GINS2: variants seen among roughly 807,000 people sequenced by gnomAD.
GINS2 encodes the protein GINS complex subunit 2.
A neutral mutation model predicts 21.2 loss-of-function variants in GINS2; 23 were observed. The ratio of observed to expected loss-of-function variants is 1.08; its 90% CI spans 0.78 to 1.53. GINS2 has a LOEUF of 1.53. Among genes scored for constraint, GINS2 ranks in the 40% most tolerant of loss-of-function variants. The probability of loss-of-function intolerance (pLI) is 0.00; values close to 1 mark genes in which losing one functional copy is unlikely to be tolerated. For missense variants in GINS2, 323 were observed against 233.9 expected (o/e 1.38, Z -2.49); for synonymous variants, 118 against 85.6 (o/e 1.38, Z -2.09).
rs184702329 is a variant in GINS2 at position 85,678,324 on chromosome 16, G to T, written c.446C>A (p.Thr149Asn). Residue 149 changes from threonine (T) to asparagine (N), a missense_variant, in exon 5 of 5, where the codon ACC (threonine) becomes AAC (asparagine). By Grantham distance (65) the Thr-to-Asn change is moderately conservative. Transcript: ENST00000253462. ...CCCGCTGGTGTTGATCTCCATCAAG[G>T]TCAAGTTATCCAGCTAAAGCAAGAA... ...QEAHAKLDNL[T>N]LMEINTSGTF... 1.2e-5 allele frequency: 19 copies of T among 1,613,764 alleles called. No homozygotes were observed. The highest frequency in any genetic ancestry group is 1.5e-5 in the Non-Finnish European group (18 of 1,179,854).
At chr16:85,685,679 A>AAAC (rs1555579568) in intron 2 of GINS2, among the ~76,000 whole-genome samples, 1 of 144,154 alleles carries the variant, frequency 6.9e-6, no homozygotes, top group African/African-American at 2.8e-5. Context: ...TCAAAAAAAA[A>AAAC]AAAAAAAAAA....
intron 2 of GINS2, among the ~76,000 whole-genome samples, chr16:85,682,590 A>C (rs917782935): frequency 6.6e-6 from 1 of 151,204 alleles, no homozygotes; most frequent in Non-Finnish European, 1.5e-5. Flanking sequence ...AAGCCACCCC[A>C]GCCTGGGCAC....
intron 2 of GINS2, 86 bp downstream of exon 2, chr16:85,687,374 G>A (rs1175598834): frequency 1.5e-6 from 1 of 676,430 alleles, no homozygotes; most frequent in Non-Finnish European, 2.5e-6. Context: ...TCAGGAAGGA[G>A]GCCCCATGCC....
At chr16:85,686,469 A>T (rs1263397127) in intron 2 of GINS2, among the ~76,000 whole-genome samples, 1 of 152,184 alleles carries the variant, frequency 6.6e-6, no homozygotes, top group African/African-American at 2.4e-5. Context: ...GGCTATTAAA[A>T]ACAAAGTGTA....
Position 85,678,335 on chromosome 16 carries a change from C to G in GINS2, c.435G>C (p.Leu145=). 1 of 1,613,276 alleles carries G rather than the reference C, an allele frequency of 6.2e-7. No individual in the cohort carries two copies. The highest frequency in any genetic ancestry group is 1.3e-5 in the African/African-American group (1 of 74,828). The change falls in exon 5 of 5, where the codon CTG becomes CTC. Residue 145 remains leucine (L), a splice_region_variant and synonymous_variant. Transcript: ENST00000253462. ...TGATCTCCATCAAGGTCAAGTTATC[C>G]AGCTAAAGCAAGAAAACAGACCAAG... ...FVRQQEAHAK[L]DNLTLMEINT... is the part of the protein sequence containing the mutation.
At chr16:85,678,744 G>T in intron 3 of GINS2, 78 bp from the exon 4 acceptor site, 1 of 1,382,096 alleles carries the variant, frequency 7.2e-7, no homozygotes, top group Non-Finnish European at 1.0e-6. Context: ...GCTCTTTTCA[G>T]GCAAAATACC....
chr16:85,685,680 A>ACAAAAGCAAAAAAAAAAAAACAAC (rs201931587), intron 2 of GINS2, among the ~76,000 whole-genome samples: 1 of 147,140 alleles, frequency 6.8e-6, no homozygotes, highest in Non-Finnish European at 1.5e-5. Context: ...CAAAAAAAAA[A>ACAAAAGCAAAAAAAAAAAAACAAC]AAAAAAAAAA....
At position 85,684,717 on chromosome 16, in the gene GINS2, G is replaced by C. The variant is rs117233051; in HGVS notation, c.205+2743C>G. ...CAGGTAAATCTCAAAAACAGTGTTG[G>C]ATAAGAGAAATCAGAAACAAAAAAT... On this transcript the variant is annotated intron_variant, in intron 2 of 4. Coordinates refer to ENST00000253462, the MANE Select transcript of GINS2 (RefSeq NM_016095.3). 1.0e-2 allele frequency among the ~76,000 whole-genome samples: 1,507 copies of C among 151,032 alleles called. 20 individuals carry two copies. Among genetic ancestry groups the C allele is most frequent in the Non-Finnish European group, 0.017 (1,169 of 67,820 alleles).
chr16:85,685,992 C>G (rs1345870298), intron 2 of GINS2, among the ~76,000 whole-genome samples: 2 of 147,812 alleles, frequency 1.4e-5, no homozygotes, highest in East Asian at 3.9e-4. Flanking sequence ...TCCTCACCAA[C>G]ACACACAAAA....
chr16:85,678,384 G>T (rs756222457), intron 4 of GINS2, 47 bp from the exon 5 acceptor site: 1 of 1,602,226 alleles, frequency 6.2e-7, no homozygotes, highest in Non-Finnish European at 8.5e-7. Context: ...TTTTGATTTT[G>T]AGAAAAAGGT....
intron 1 of GINS2, 82 bp downstream of exon 1, chr16:85,688,727 C>T: frequency 4.1e-6 from 3 of 725,258 alleles, no homozygotes; most frequent in Non-Finnish European, 6.3e-6. Context: ...GGCGAGCCCG[C>T]GACCCCGGGG....
At position 85,678,191 on chromosome 16, in the gene GINS2, C is replaced by T; in HGVS notation, c.*21G>A. On this transcript the variant is annotated 3_prime_UTR_variant, in exon 5 of 5. Transcript: ENST00000253462. ...CTGAGCGCTCACATCCCCCAGCAAG[C>T]CGCCTGCACCAGGCCTTTCTCTAGA... The T allele has an allele frequency of 1.2e-6, 2 of 1,610,032 alleles. No individual in the cohort carries two copies. The highest frequency in any genetic ancestry group is 1.7e-6 in the Non-Finnish European group (2 of 1,178,536).
rs1255135329 is a variant in GINS2 at position 85,688,817 on chromosome 16, G to T, written c.82C>A (p.Leu28Ile). 6.5e-7 allele frequency: 1 copy of T among 1,535,190 alleles called. No homozygotes were observed. The highest frequency in any genetic ancestry group is 1.2e-5 in the South Asian group (1 of 82,766). The change falls in exon 1 of 5, where the codon CTC (leucine) becomes ATC (isoleucine). Residue 28 changes from leucine (L) to isoleucine (I), a missense_variant. By Grantham distance (5) the Leu-to-Ile change is conservative (BLOSUM62 2). Coordinates refer to ENST00000253462, the MANE Select transcript of GINS2 (RefSeq NM_016095.3). The part of the protein sequence containing the change: ...IPNFSLDKIY[L>I]IGGDLGPFNP... Reference sequence around the variant, plus strand: ...GCGGGCCCAGGCCTCACCCCGATGAGGTAGATCTTGTCCAGACTGAAGTTG... The same window carrying T: ...GCGGGCCCAGGCCTCACCCCGATGATGTAGATCTTGTCCAGACTGAAGTTG...
At chr16:85,685,625 T>A (rs760242796) in intron 2 of GINS2, among the ~76,000 whole-genome samples, 3 of 138,078 alleles carry the variant, frequency 2.2e-5, no homozygotes, top group African/African-American at 2.8e-5. Context: ...GAGCTATGAT[T>A]GCATCACTAT....
chr16:85,678,703 T>G (rs1374730853), intron 3 of GINS2, 37 bp from the exon 4 acceptor site: 1 of 1,599,764 alleles, frequency 6.3e-7, no homozygotes, highest in African/African-American at 1.3e-5. Flanking sequence ...CGGGGAACAC[T>G]TGATAACCTG....
chr16:85,688,911 T>C lies in GINS2; in HGVS notation c.-13A>G. 6.5e-7 allele frequency: 1 copy of C among 1,530,406 alleles called. No homozygotes were observed. The highest frequency in any genetic ancestry group is 1.2e-5 in the South Asian group (1 of 82,636). 94.8% of individuals were successfully genotyped at this position (1,530,406 alleles called of 1,614,324 possible). ...CGGCAGCGTCCATGGCGGCGCGAGC[T>C]GCAGGCCAGAGCCTCACGGTCTCCT... On this transcript the variant is annotated 5_prime_UTR_variant, in exon 1 of 5. Coordinates refer to ENST00000253462, the MANE Select transcript of GINS2 (RefSeq NM_016095.3).
intron 1 of GINS2, 86 bp downstream of exon 1, chr16:85,688,723 C>T (rs2053801713): frequency 1.5e-6 from 1 of 681,332 alleles, no homozygotes; most frequent in Middle Eastern, 4.0e-4. Flanking sequence ...GCAGGGCGAG[C>T]CCGCGACCCC....
At position 85,677,474 on chromosome 16, in the gene GINS2, T is replaced by C. The variant is rs2152050063; in HGVS notation, c.*738A>G. ...TCATGCTCAATACATTGGATTCGTT[T>C]TTTTCCTGACTCTCCTCTTGATAAG... On this transcript the variant is annotated 3_prime_UTR_variant, in exon 5 of 5. Coordinates refer to ENST00000253462, the MANE Select transcript of GINS2 (RefSeq NM_016095.3). The C allele has an allele frequency of 6.6e-6, 1 of 152,298 alleles. No individual in the cohort carries two copies. Among genetic ancestry groups the C allele is most frequent in the South Asian group, 2.1e-4 (1 of 4,824 alleles). 9.4% of individuals were successfully genotyped at this position (152,298 alleles called of 1,614,324 possible).
intron 2 of GINS2, among the ~76,000 whole-genome samples, chr16:85,687,160 G>A (rs1037146869): frequency 6.6e-6 from 1 of 152,258 alleles, no homozygotes; most frequent in African/African-American, 2.4e-5. Flanking sequence ...GGTGAAGGCT[G>A]CATTGAGCCG....
Sources: allele counts gnomAD v4.1 joint callset (sites outside exome capture counted in the v4.1 genomes callset), GRCh38; gene constraint gnomAD v4.1.1; transcripts MANE v1.5; gene names NCBI Gene and HGNC (gene_info 2026-07-23, HGNC 2026-07-21).